Variants in MACROD2 observed in about 807,000 individuals in gnomAD.
The protein encoded by MACROD2 is ADP-ribose glycohydrolase MACROD2.
MACROD2 carries 36 observed loss-of-function variants against 70.4 expected under a neutral mutation model. The observed-to-expected ratio is 0.51, with a 90% CI of 0.39 to 0.68. The LOEUF (loss-of-function observed/expected upper bound fraction) is 0.68. Among genes scored for constraint, MACROD2 ranks in the 30% least tolerant of loss-of-function variants. MACROD2 has a pLI of 0.00. For missense variants in MACROD2, 496 were observed against 538.4 expected (o/e 0.92, Z 0.78); for synonymous variants, 172 against 178.8 (o/e 0.96, Z 0.30).
At chr20:15,293,213 C>T (rs773387669) in intron 6 of MACROD2, among the ~76,000 whole-genome samples, 8 of 152,174 alleles carry the variant, frequency 5.3e-5, no homozygotes, top group Admixed American at 1.3e-4. Flanking sequence ...GGGTAACATA[C>T]GTATTCCTAG....
At chr20:14,489,280 C>A (rs916702655) in intron 3 of MACROD2, among the ~76,000 whole-genome samples, 7 of 152,272 alleles carry the variant, frequency 4.6e-5, no homozygotes, top group East Asian at 1.9e-4. Flanking sequence ...TAGACAGAGG[C>A]CTGTTGCCAG....
chr20:14,628,937 G>A (rs1483295972), intron 4 of MACROD2: 1 of 152,046 alleles, frequency 6.6e-6, no homozygotes, highest in African/African-American at 2.4e-5. Context: ...AATTTCTTTG[G>A]AACTTTGGTG....
intron 3 of MACROD2, among the ~76,000 whole-genome samples, chr20:14,230,631 T>TGTGTGTATATA (rs1569217269): frequency 4.2e-5 from 4 of 94,262 alleles, no homozygotes; most frequent in Non-Finnish European, 7.5e-5. Flanking sequence ...TCATTCATGT[T>TGTGTGTATATA]TATATATATA....
At chr20:14,853,213 A>G (rs1015707875) in intron 5 of MACROD2, among the ~76,000 whole-genome samples, 2 of 123,224 alleles carry the variant, frequency 1.6e-5, no homozygotes, top group African/African-American at 5.7e-5. Context: ...AAATGGGGAT[A>G]GAGAAGCAAG....
intron 5 of MACROD2, among the ~76,000 whole-genome samples, chr20:14,721,802 A>G (rs1568758640): frequency 6.6e-6 from 1 of 152,198 alleles, no homozygotes; most frequent in Non-Finnish European, 1.5e-5. Flanking sequence ...CTACCTTAAG[A>G]CAATTTCAAC....
chr20:15,947,327 A>C (rs2065838679), intron 12 of MACROD2, among the ~76,000 whole-genome samples: 1 of 152,158 alleles, frequency 6.6e-6, no homozygotes, highest in Non-Finnish European at 1.5e-5. Flanking sequence ...AAAACCTTGG[A>C]CAATACCCAG....
intron 3 of MACROD2, among the ~76,000 whole-genome samples, chr20:14,092,572 T>C (rs1448901613): frequency 6.6e-6 from 1 of 152,226 alleles, no homozygotes; most frequent in Non-Finnish European, 1.5e-5. Context: ...ATTATCTTTT[T>C]CTAGGCTCTT....
At chr20:15,181,069 C>G (rs2076497299) in intron 5 of MACROD2, among the ~76,000 whole-genome samples, 1 of 152,034 alleles carries the variant, frequency 6.6e-6, no homozygotes, top group Non-Finnish European at 1.5e-5. Flanking sequence ...TACAGGGGGA[C>G]CTTGACCACA....
At chr20:15,357,494 T>C (rs2078301172) in intron 6 of MACROD2, among the ~76,000 whole-genome samples, 1 of 152,276 alleles carries the variant, frequency 6.6e-6, no homozygotes, top group South Asian at 2.1e-4. Flanking sequence ...TTTCTTCACT[T>C]GTGTCTATGA....
chr20:15,527,160 G>A (rs1403050465), intron 8 of MACROD2, among the ~76,000 whole-genome samples: 1 of 152,130 alleles, frequency 6.6e-6, no homozygotes, highest in Non-Finnish European at 1.5e-5. Context: ...GTTCCCCAGA[G>A]AAAATGAAAT....
rs148507509 is a variant in MACROD2, at chr20:14,903,167, G to A, written c.418+218208G>A. The stretch of plus-strand genomic sequence containing the variant: ...AGCGATTCGCCTGCCTCAGCCTCCC[G>A]AGTAGCTGGGATTACAGGTGCCTGC... On this transcript the variant is annotated intron_variant, in intron 5 of 17. Transcript: ENST00000684519. 7.1e-3 allele frequency among the ~76,000 whole-genome samples: 1,060 copies of A among 149,644 alleles called. 8 individuals are homozygous for A. Among genetic ancestry groups the A allele is most frequent in the African/African-American group, 0.025 (998 of 40,618 alleles).
At chr20:14,167,142 C>T (rs544418484) in intron 3 of MACROD2, among the ~76,000 whole-genome samples, 30 of 151,920 alleles carry the variant, frequency 2.0e-4, no homozygotes, top group Non-Finnish European at 4.0e-4. Flanking sequence ...ATGAATCTAT[C>T]CCATTTCAGG....
At chr20:14,988,447 A>T (rs1167173904) in intron 5 of MACROD2, among the ~76,000 whole-genome samples, 4 of 151,724 alleles carry the variant, frequency 2.6e-5, no homozygotes, top group Admixed American at 2.6e-4. Flanking sequence ...CAACATGGCC[A>T]AAGTCTTGCC....
At chr20:15,190,492 A>G (rs967844982) in intron 5 of MACROD2, among the ~76,000 whole-genome samples, 3 of 152,198 alleles carry the variant, frequency 2.0e-5, no homozygotes, top group African/African-American at 7.2e-5. Flanking sequence ...GAAAATATGT[A>G]TAGGTAATCA....
chr20:14,306,049 CTT>C (rs900532392), intron 3 of MACROD2, among the ~76,000 whole-genome samples: 6 of 152,016 alleles, frequency 3.9e-5, no homozygotes, highest in African/African-American at 1.4e-4. Context: ...TGTCTTATCT[CTT>C]TTCATTTTTA....
At chr20:14,170,248 A>T (rs1211169238) in intron 3 of MACROD2, among the ~76,000 whole-genome samples, 1 of 152,046 alleles carries the variant, frequency 6.6e-6, no homozygotes, top group African/African-American at 2.4e-5. Context: ...TTTTTGGAGG[A>T]GTCTTTAGGG....
chr20:14,427,158 A>C (rs1366321088), intron 3 of MACROD2, among the ~76,000 whole-genome samples: 2 of 151,932 alleles, frequency 1.3e-5, no homozygotes, highest in South Asian at 2.1e-4. Flanking sequence ...TAAACGGTGA[A>C]ACTTTTATAA....
intron 5 of MACROD2, among the ~76,000 whole-genome samples, chr20:15,023,685 C>T (rs141781007): frequency 4.6e-5 from 7 of 152,224 alleles, no homozygotes; most frequent in Non-Finnish European, 8.8e-5. Flanking sequence ...CATCAGATCT[C>T]GTGAAACTTA....
intron 8 of MACROD2, among the ~76,000 whole-genome samples, chr20:15,760,816 A>G (rs550182906): frequency 2.6e-5 from 4 of 152,296 alleles, no homozygotes; most frequent in Non-Finnish European, 5.9e-5. Flanking sequence ...TCGCAATTCT[A>G]TTTCAATAAA....
Sources: allele counts gnomAD v4.1 joint callset (sites outside exome capture counted in the v4.1 genomes callset), GRCh38; gene constraint gnomAD v4.1.1; transcripts MANE v1.5; gene names NCBI Gene and HGNC (gene_info 2026-07-23, HGNC 2026-07-21).